Variants in ABHD12B observed in about 807,000 individuals in gnomAD.
The protein encoded by ABHD12B is protein ABHD12B.
ABHD12B carries 42 observed loss-of-function variants against 50.4 expected under a neutral mutation model. That is an observed-to-expected ratio of 0.83 (90% confidence interval 0.65 to 1.08). The LOEUF (loss-of-function observed/expected upper bound fraction) is 1.08. Among genes scored for constraint, ABHD12B ranks in the 50% least tolerant of loss-of-function variants. ABHD12B has a pLI of 0.00. For synonymous variants in ABHD12B, 167 were observed against 160.3 expected (o/e 1.04, Z -0.32); for missense variants, 479 against 447.7 (o/e 1.07, Z -0.63).
chr14:50,894,069 G>C (rs1028390615), intron 9 of ABHD12B, among the ~76,000 whole-genome samples: 2 of 152,200 alleles, frequency 1.3e-5, no homozygotes, highest in African/African-American at 4.8e-5. Flanking sequence ...TTAGCGGCAA[G>C]TCCCGCTTTT....
Position 50,885,617 on chromosome 14 carries a change from C to A in ABHD12B, c.490C>A (p.Leu164Met). The change falls in exon 6 of 13, where the codon CTG (leucine) becomes ATG (methionine). Residue 164 changes from leucine (L) to methionine (M), a missense_variant. Leu to Met is a conservative substitution (Grantham distance 15). Coordinates refer to ENST00000337334, the MANE Select transcript of ABHD12B (RefSeq NM_001206673.2). Reference sequence around the variant, plus strand: ...TAACAGCTCCTTTGTTACCTAGGTGCTGAGTGATGGTGGCTTTCATGTCTT... The same window carrying A: ...TAACAGCTCCTTTGTTACCTAGGTGATGAGTGATGGTGGCTTTCATGTCTT... ...ASHRLKLVKVLSDGGFHVLSV... is the reference protein window; with the variant it reads ...ASHRLKLVKVMSDGGFHVLSV... The A allele has an allele frequency of 6.2e-7, 1 of 1,614,122 alleles. No individual in the cohort carries two copies.
intron 1 of ABHD12B, among the ~76,000 whole-genome samples, chr14:50,875,395 T>G (rs2049847488): frequency 6.6e-6 from 1 of 152,242 alleles, no homozygotes; most frequent in Non-Finnish European, 1.5e-5. Flanking sequence ...AGATTTGGGC[T>G]TCCCAAAGTT....
intron 9 of ABHD12B, chr14:50,892,333 A>C: frequency 2.4e-6 from 2 of 820,072 alleles, no homozygotes; most frequent in Non-Finnish European, 2.9e-6. Flanking sequence ...CCAAAAGGGA[A>C]TGAGGGTAGT....
At chr14:50,873,220 CTCT>C (rs2049810700) in intron 1 of ABHD12B, among the ~76,000 whole-genome samples, 1 of 151,390 alleles carries the variant, frequency 6.6e-6, no homozygotes, top group African/African-American at 2.4e-5. Flanking sequence ...CTCTCTCTCT[CTCT>C]TTTTTTTTTC....
At chr14:50,887,720 A>T (rs2050062163) in intron 8 of ABHD12B, among the ~76,000 whole-genome samples, 1 of 152,196 alleles carries the variant, frequency 6.6e-6, no homozygotes, top group Admixed American at 6.5e-5. Flanking sequence ...TAATCTAATT[A>T]GAGATTGAGC....
intron 10 of ABHD12B, among the ~76,000 whole-genome samples, chr14:50,902,791 G>T (rs555846572): frequency 6.6e-4 from 101 of 152,332 alleles, no homozygotes; most frequent in Non-Finnish European, 7.9e-4. Flanking sequence ...GGGAAGCATT[G>T]CTTGAGAAAG....
At chr14:50,886,728 G>T in intron 8 of ABHD12B, 44 bp downstream of exon 8, 1 of 1,550,928 alleles carries the variant, frequency 6.4e-7, no homozygotes, top group South Asian at 1.1e-5. Flanking sequence ...ATCTTCAGAT[G>T]GGAAAGTAAA....
At chr14:50,895,385 A>G (rs1434470599) in intron 9 of ABHD12B, among the ~76,000 whole-genome samples, 1 of 152,094 alleles carries the variant, frequency 6.6e-6, no homozygotes, top group Non-Finnish European at 1.5e-5. Flanking sequence ...AGAACTTCCA[A>G]ACGCCTGAAC....
chr14:50,881,771 T>C, intron 5 of ABHD12B, 145 bp downstream of exon 5: 4 of 898,548 alleles, frequency 4.5e-6, no homozygotes, highest in Non-Finnish European at 5.3e-6. Flanking sequence ...GGGCTCAAAG[T>C]CCCACCGGTG....
chr14:50,886,014 C>A, intron 7 of ABHD12B, 119 bp downstream of exon 7: 2 of 1,387,392 alleles, frequency 1.4e-6, no homozygotes, highest in Non-Finnish European at 2.0e-6. Context: ...CTTTGCTGAT[C>A]ATTTTCACAC....
Position 50,888,816 on chromosome 14 carries a change from A to C in ABHD12B, c.701-8A>C. The stretch of plus-strand genomic sequence containing the variant: ...ACTGATTTCTTTCTTTCTTTCTTTC[A>C]TTTCAAGGATGCCCAGTTGATGCTA... On this transcript the variant is annotated splice_polypyrimidine_tract_variant and splice_region_variant and intron_variant, in intron 8 of 12. Coordinates refer to ENST00000337334, the MANE Select transcript of ABHD12B (RefSeq NM_001206673.2). 3 of 1,613,208 alleles carry C rather than the reference A, an allele frequency of 1.9e-6. No individual in the cohort carries two copies. Among genetic ancestry groups the C allele is most frequent in the Non-Finnish European group, 1.7e-6 (2 of 1,179,558 alleles).
chr14:50,895,728 C>A (rs1236307773), intron 9 of ABHD12B: 1 of 152,148 alleles, frequency 6.6e-6, no homozygotes, highest in Non-Finnish European at 1.5e-5. Context: ...GCAAGGTAGG[C>A]CCGTCCCCTT....
intron 9 of ABHD12B, among the ~76,000 whole-genome samples, chr14:50,900,154 C>G (rs1015070510): frequency 6.6e-6 from 1 of 151,996 alleles, no homozygotes; most frequent in African/African-American, 2.4e-5. Flanking sequence ...ACTGCTTGAG[C>G]CCAGGAGTTT....
At chr14:50,896,049 T>A (rs2050194368) in intron 9 of ABHD12B, among the ~76,000 whole-genome samples, 2 of 152,054 alleles carry the variant, frequency 1.3e-5, no homozygotes, top group African/African-American at 4.8e-5. Flanking sequence ...TCCTCTTGTA[T>A]CCCCCGACCT....
At chr14:50,878,920 T>C in intron 3 of ABHD12B, 73 bp downstream of exon 3, 1 of 1,244,368 alleles carries the variant, frequency 8.0e-7, no homozygotes, top group Admixed American at 1.8e-5. Flanking sequence ...GGAGCAGTGC[T>C]GTGTTACCTG....
chr14:50,880,510 G>A lies in ABHD12B; in HGVS notation c.394G>A (p.Glu132Lys). 1 of 1,610,764 alleles carries A rather than the reference G, an allele frequency of 6.2e-7. No homozygotes were observed. The highest frequency in any genetic ancestry group is 1.3e-5 in the African/African-American group (1 of 74,872). The change falls in exon 4 of 13, where the codon GAA becomes AAA. Residue 132 changes from glutamate to lysine, a missense_variant. Transcript: ENST00000337334. The part of the protein sequence containing the change: ...DAKGKDCCWY[E>K]AALRDGNPII... The stretch of plus-strand genomic sequence containing the variant: ...CAAGGGGAAGGACTGTTGCTGGTAT[G>A]AAGCAGCCCTTCGTGATGGGAACCC...
At chr14:50,888,452 G>C (rs8009840) in intron 8 of ABHD12B, among the ~76,000 whole-genome samples, 1 of 152,130 alleles carries the variant, frequency 6.6e-6, no homozygotes, top group Non-Finnish European at 1.5e-5. Flanking sequence ...TCCGCCTGCC[G>C]TGGCCTCCCA....
chr14:50,892,321 A>G lies in ABHD12B; in HGVS notation c.780+3418A>G, dbSNP rs1300973539. Reference sequence around the variant, plus strand: ...TTGAGGAAATGTTCTTCAGGAAAAAATCCAAAAGGGAATGAGGGTAGTAGC... The same window carrying G: ...TTGAGGAAATGTTCTTCAGGAAAAAGTCCAAAAGGGAATGAGGGTAGTAGC... On this transcript the variant is annotated intron_variant, in intron 9 of 12. Coordinates refer to ENST00000337334, the MANE Select transcript of ABHD12B (RefSeq NM_001206673.2). The G allele has an allele frequency of 1.6e-5, 12 of 769,118 alleles. No homozygotes were observed. The African/African-American group carries it at 1.9e-4, about 12-fold the overall frequency. The allele number at this position is 769,118 out of a possible 1,614,324, so 47.6% of individuals were successfully genotyped here.
Position 50,888,895 on chromosome 14 carries a change from T to C in ABHD12B, c.772T>C (p.Leu258=). 2 of 1,614,020 alleles carry C rather than the reference T, an allele frequency of 1.2e-6. No homozygotes were observed. Among genetic ancestry groups the C allele is most frequent in the Non-Finnish European group, 1.7e-6 (2 of 1,179,922 alleles). ...GTGGGTTGCAAGTATCAATTATCCC[T>C]TGTTAAAGGTGAGACTCTGATTCAT... is the stretch of plus-strand genomic sequence containing the variant. The part of the protein sequence containing the change: ...NMWVASINYP[L]LKIYRNIPGF... Residue 258 remains leucine, a synonymous_variant, in exon 9 of 13, where the codon TTG becomes CTG. Transcript: ENST00000337334.
Sources: gnomAD v4.1 joint callset for allele counts (sites outside exome capture counted in the v4.1 genomes callset) on GRCh38, gnomAD v4.1.1 for gene constraint, MANE v1.5 for transcripts, NCBI Gene and HGNC (gene_info 2026-07-23, HGNC 2026-07-21) for gene names.